Variants in FRS2 observed in about 807,000 individuals in gnomAD.
FRS2 encodes the protein FGFR signalling adaptor.
A neutral mutation model predicts 43.9 loss-of-function variants in FRS2; 8 were observed. That is an observed-to-expected ratio of 0.18 (90% CI 0.11 to 0.33). FRS2 has a LOEUF of 0.33. Among genes scored for constraint, FRS2 ranks in the 10% least tolerant of loss-of-function variants. The probability of loss-of-function intolerance (pLI) is 1.00; values close to 1 mark genes in which losing one functional copy is unlikely to be tolerated. For synonymous variants in FRS2, 219 were observed against 220.3 expected (o/e 0.99, Z 0.05); for missense variants, 534 against 627.6 (o/e 0.85, Z 1.59).
At chr12:69,479,390 C>CTTTTTTTTTTTTTTTTTTTTTTTTTTTT (rs57688271) in intron 1 of FRS2, among the ~76,000 whole-genome samples, 1 of 119,698 alleles carries the variant, frequency 8.4e-6, no homozygotes, top group Admixed American at 8.6e-5. Context: ...TCTGTTGTTT[C>CTTTTTTTTTTTTTTTTTTTTTTTTTTTT]TTTTTTTTTT....
chr12:69,487,953 G>A (rs1872107758), intron 1 of FRS2, among the ~76,000 whole-genome samples: 1 of 152,206 alleles, frequency 6.6e-6, no homozygotes, highest in African/African-American at 2.4e-5. Context: ...TAGAACTACA[G>A]CCTTAGGATG....
chr12:69,492,796 GGTA>G (rs1872587992), intron 1 of FRS2, among the ~76,000 whole-genome samples: 1 of 152,160 alleles, frequency 6.6e-6, no homozygotes, highest in African/African-American at 2.4e-5. Flanking sequence ...GGTCTCACTT[GGTA>G]GCAATAATTC....
intron 1 of FRS2, among the ~76,000 whole-genome samples, chr12:69,489,875 A>G (rs950996401): frequency 2.0e-5 from 3 of 151,456 alleles, no homozygotes; most frequent in Non-Finnish European, 4.4e-5. Context: ...TGGCAAAGGA[A>G]TATACTGATT....
At chr12:69,538,868 A>G (rs144354327) in intron 3 of FRS2, among the ~76,000 whole-genome samples, 1 of 152,276 alleles carries the variant, frequency 6.6e-6, no homozygotes, top group East Asian at 1.9e-4. Context: ...TCTATTCTCC[A>G]TGAGTTTATT....
intron 1 of FRS2, among the ~76,000 whole-genome samples, chr12:69,516,448 C>G (rs1241971516): frequency 6.6e-6 from 1 of 151,908 alleles, no homozygotes; most frequent in Admixed American, 6.6e-5. Flanking sequence ...GAACTCCGGA[C>G]CTCAGGTGAT....
intron 3 of FRS2, among the ~76,000 whole-genome samples, chr12:69,541,031 CT>C: frequency 6.6e-6 from 1 of 152,190 alleles, no homozygotes; most frequent in Admixed American, 6.5e-5. Flanking sequence ...CAAGAGGATC[CT>C]TAAGAGACAT....
chr12:69,485,653 A>G (rs73341705), intron 1 of FRS2, among the ~76,000 whole-genome samples: 1,580 of 152,118 alleles, frequency 0.01, 22 homozygotes, highest in African/African-American at 0.037. Context: ...CGGCTAATCA[A>G]GATGAGGTTT....
At chr12:69,498,519 T>TGTGTGTGTGTGTGTGTGTGTG (rs1873117530) in intron 1 of FRS2, among the ~76,000 whole-genome samples, 2 of 141,502 alleles carry the variant, frequency 1.4e-5, no homozygotes, top group Non-Finnish European at 1.5e-5. Context: ...TTATGAGGGT[T>TGTGTGTGTGTGTGTGTGTGTG]TGTGTGTGTG....
intron 1 of FRS2, among the ~76,000 whole-genome samples, chr12:69,479,670 A>G (rs923377548): frequency 6.6e-6 from 1 of 152,100 alleles, no homozygotes; most frequent in Non-Finnish European, 1.5e-5. Context: ...TGCTGGGATT[A>G]CAGGTGCAAG....
intron 1 of FRS2, among the ~76,000 whole-genome samples, chr12:69,523,610 T>C (rs555722270): frequency 1.3e-5 from 2 of 152,334 alleles, no homozygotes; most frequent in South Asian, 2.1e-4. Context: ...CGTTTGATCC[T>C]GTCATCATGA....
At chr12:69,508,293 A>G (rs932163584) in intron 1 of FRS2, among the ~76,000 whole-genome samples, 1 of 152,208 alleles carries the variant, frequency 6.6e-6, no homozygotes, top group Non-Finnish European at 1.5e-5. Context: ...CTTTTATAAA[A>G]TATATCCAAA....
chr12:69,472,329 G>C (rs1407822010), intron 1 of FRS2, among the ~76,000 whole-genome samples: 1 of 149,430 alleles, frequency 6.7e-6, no homozygotes, highest in Non-Finnish European at 1.5e-5. Context: ...CTGGGCTCAA[G>C]TGATCCTCCC....
At chr12:69,546,840 CAG>C (rs1300527359) in intron 3 of FRS2, among the ~76,000 whole-genome samples, 3 of 152,122 alleles carry the variant, frequency 2.0e-5, no homozygotes, top group Admixed American at 6.5e-5. Context: ...AAATTAAAAA[CAG>C]AATTACCATA....
At chr12:69,565,774 T>C (rs1289513737) in intron 4 of FRS2, among the ~76,000 whole-genome samples, 1 of 152,158 alleles carries the variant, frequency 6.6e-6, no homozygotes, top group Non-Finnish European at 1.5e-5. Flanking sequence ...CTGCACCTTC[T>C]TCTGGAATAC....
chr12:69,483,656 A>G (rs1871551323), intron 1 of FRS2, among the ~76,000 whole-genome samples: 1 of 152,172 alleles, frequency 6.6e-6, no homozygotes, highest in Non-Finnish European at 1.5e-5. Context: ...CATCCATCAT[A>G]TTTAGTTGTT....
chr12:69,480,264 T>G (rs1871237351), intron 1 of FRS2: 1 of 152,214 alleles, frequency 6.6e-6, no homozygotes, highest in South Asian at 2.1e-4. Context: ...CTTGTACCCA[T>G]TAGACAGTAA....
intron 3 of FRS2, among the ~76,000 whole-genome samples, chr12:69,534,139 T>G (rs1376068394): frequency 6.6e-6 from 1 of 152,186 alleles, no homozygotes; most frequent in Non-Finnish European, 1.5e-5. Flanking sequence ...CACTATGACA[T>G]TAAAAAGACG....
intron 1 of FRS2, among the ~76,000 whole-genome samples, chr12:69,478,444 G>T (rs221080): frequency 6.6e-6 from 1 of 151,888 alleles, no homozygotes; most frequent in Non-Finnish European, 1.5e-5. Flanking sequence ...TACCCACATG[G>T]GGCTGGTGGC....
At chr12:69,505,026 A>G (rs1873798843) in intron 1 of FRS2, among the ~76,000 whole-genome samples, 1 of 152,144 alleles carries the variant, frequency 6.6e-6, no homozygotes, top group South Asian at 2.1e-4. Flanking sequence ...ATTGTACTGT[A>G]CTGTACTGTA....
Sources: gnomAD v4.1 joint callset for allele counts (sites outside exome capture counted in the v4.1 genomes callset) on GRCh38, gnomAD v4.1.1 for gene constraint, MANE v1.5 for transcripts, NCBI Gene and HGNC (gene_info 2026-07-23, HGNC 2026-07-21) for gene names.